Variants in SLC25A33 observed in about 807,000 individuals in gnomAD.
SLC25A33 encodes the protein bone marrow stromal cell mitochondrial carrier protein.
A neutral mutation model predicts 35.5 loss-of-function variants in SLC25A33; 15 were observed. The ratio of observed to expected loss-of-function variants is 0.42; its 90% CI spans 0.28 to 0.65. The LOEUF (loss-of-function observed/expected upper bound fraction) is 0.65. Ranked by LOEUF, SLC25A33 falls within the 30% of genes least tolerant of loss-of-function variation. The probability of loss-of-function intolerance (pLI) is 0.20; values close to 1 mark genes in which losing one functional copy is unlikely to be tolerated. For missense variants in SLC25A33, 257 were observed against 398.5 expected, an observed-to-expected ratio of 0.64 and a Z score of 3.02; for synonymous variants, 136 against 148.7, an observed-to-expected ratio of 0.91 and a Z score of 0.62.
chr1:9,566,020 C>T (rs1238553876), intron 2 of SLC25A33, among the ~76,000 whole-genome samples: 2 of 151,880 alleles, frequency 1.3e-5, no homozygotes, highest in African/African-American at 4.8e-5. Context: ...TAAATTCTGC[C>T]CTCCCCCGCC....
intron 2 of SLC25A33, chr1:9,556,362 G>A: frequency 1.8e-6 from 1 of 570,462 alleles, no homozygotes; most frequent in Non-Finnish European, 2.2e-6. Flanking sequence ...CCAAAAGTGT[G>A]GGTGTCAATA....
At chr1:9,540,819 A>T (rs1446268145) in intron 1 of SLC25A33, among the ~76,000 whole-genome samples, 1 of 152,190 alleles carries the variant, frequency 6.6e-6, no homozygotes, top group Non-Finnish European at 1.5e-5. Flanking sequence ...AAGATGACTG[A>T]TGAAAGCGTC....
At chr1:9,581,819 AAAG>A (rs1643748616) in intron 6 of SLC25A33, among the ~76,000 whole-genome samples, 1 of 152,198 alleles carries the variant, frequency 6.6e-6, no homozygotes, top group Admixed American at 6.5e-5. Context: ...AAGGTTCTAA[AAAG>A]AACTTAATTT....
At chr1:9,579,575 C>G (rs1349601753) in intron 5 of SLC25A33, among the ~76,000 whole-genome samples, 1 of 152,168 alleles carries the variant, frequency 6.6e-6, no homozygotes. Context: ...TCCCCGGGGG[C>G]CACCCTCCAG....
At chr1:9,564,739 A>ATATATATAT (rs1211262069) in intron 2 of SLC25A33, among the ~76,000 whole-genome samples, 34 of 96,530 alleles carry the variant, frequency 3.5e-4, no homozygotes, top group African/African-American at 4.0e-4. Flanking sequence ...AAAAAAAAAA[A>ATATATATAT]ATATATATAT....
intron 2 of SLC25A33, among the ~76,000 whole-genome samples, chr1:9,555,002 G>T (rs1390973275): frequency 6.6e-6 from 1 of 150,938 alleles, no homozygotes; most frequent in African/African-American, 2.4e-5. Flanking sequence ...GTATGTTCAA[G>T]AAAGACATTC....
At chr1:9,550,713 C>A (rs1267842909) in intron 1 of SLC25A33, among the ~76,000 whole-genome samples, 1 of 151,958 alleles carries the variant, frequency 6.6e-6, no homozygotes, top group East Asian at 1.9e-4. Context: ...GGCTTTGTCA[C>A]CCAGGCTGGA....
intron 2 of SLC25A33, chr1:9,556,269 T>G: frequency 1.0e-6 from 1 of 970,640 alleles, no homozygotes; most frequent in Non-Finnish European, 1.2e-6. Flanking sequence ...TAATGTTACT[T>G]CAGTAACATT....
At chr1:9,562,141 A>C (rs550195266) in intron 2 of SLC25A33, among the ~76,000 whole-genome samples, 3 of 151,986 alleles carry the variant, frequency 2.0e-5, no homozygotes, top group Admixed American at 6.6e-5. Flanking sequence ...TGAAGTCAGG[A>C]GTTCAAGACC....
intron 3 of SLC25A33, among the ~76,000 whole-genome samples, chr1:9,568,181 T>C (rs1458352904): frequency 6.6e-6 from 1 of 152,108 alleles, no homozygotes; most frequent in Non-Finnish European, 1.5e-5. Flanking sequence ...GTGGCTCACC[T>C]GTGTAATCCC....
At chr1:9,570,549 C>T (rs574874979) in intron 4 of SLC25A33, among the ~76,000 whole-genome samples, 191 bp downstream of exon 4, 150 of 152,168 alleles carry the variant, frequency 9.9e-4, no homozygotes, top group African/African-American at 3.5e-3. Flanking sequence ...TTTCCTTGAC[C>T]ACTAAAGCTC....
At position 9,539,764 on chromosome 1, in the gene SLC25A33, A is replaced by G. The variant is rs148840119; in HGVS notation, c.56+17A>G. The G allele has an allele frequency of 0.18, 245,410 of 1,363,242 alleles. 25,866 individuals are homozygous for G. The highest frequency in any genetic ancestry group is 0.48 in the African/African-American group (31,413 of 65,430). 84.4% of individuals were successfully genotyped at this position (1,363,242 alleles called of 1,614,324 possible). A position where few individuals can be genotyped will look rare whatever the true frequency, so the allele number is the denominator to read the frequency against. ...CGCCGGCGGGTGAGTTCCCGGGCCC[A>G]GCCGCGCGCGCCCCACCGCCTGCGG... On this transcript the variant is annotated intron_variant, in intron 1 of 6. Transcript: ENST00000302692.
intron 2 of SLC25A33, among the ~76,000 whole-genome samples, chr1:9,561,097 C>T (rs755359029): frequency 6.6e-6 from 1 of 151,946 alleles, no homozygotes; most frequent in Admixed American, 6.6e-5. Flanking sequence ...CCCGTCACCA[C>T]GCCCGGCTAA....
chr1:9,540,377 C>T (rs1643060859), intron 1 of SLC25A33, among the ~76,000 whole-genome samples: 1 of 152,254 alleles, frequency 6.6e-6, no homozygotes, highest in South Asian at 2.1e-4. Context: ...CTTCCAACGC[C>T]AGAGACCGCA....
At chr1:9,565,892 A>G (rs796280061) in intron 2 of SLC25A33, among the ~76,000 whole-genome samples, 32 of 151,194 alleles carry the variant, frequency 2.1e-4, no homozygotes, top group African/African-American at 7.5e-4. Context: ...AAAAAAAAAC[A>G]AAGAAAAGAA....
intron 2 of SLC25A33, among the ~76,000 whole-genome samples, chr1:9,556,695 GTGTGTC>G (rs1643348418): frequency 6.6e-6 from 1 of 151,738 alleles, no homozygotes; most frequent in African/African-American, 2.4e-5. Flanking sequence ...GTGTGTGTGT[GTGTGTC>G]TGTGTGTGTG....
Position 9,580,107 on chromosome 1 carries a change from G to T in SLC25A33, c.636G>T (p.Lys212Asn). 2 of 1,612,416 alleles carry T rather than the reference G, an allele frequency of 1.2e-6. No homozygotes were observed. The highest frequency in any genetic ancestry group is 8.5e-7 in the Non-Finnish European group (1 of 1,178,874). The change falls in exon 6 of 7, where the codon AAG becomes AAT. Residue 212 changes from lysine (K) to asparagine (N), a missense_variant. Lys to Asn is a moderately conservative substitution (Grantham distance 94). Coordinates refer to ENST00000302692, the MANE Select transcript of SLC25A33 (RefSeq NM_032315.3). ...TTGCTATTTATGAAAGTTTAAAGAAGTATCTGAAAGAAGCTCCATTAGCCT... is the reference window on the plus strand; with the variant it reads ...TTGCTATTTATGAAAGTTTAAAGAATTATCTGAAAGAAGCTCCATTAGCCT... ...ICFAIYESLK[K>N]YLKEAPLASS...
chr1:9,540,564 G>T (rs1032780921), intron 1 of SLC25A33, among the ~76,000 whole-genome samples: 1 of 152,190 alleles, frequency 6.6e-6, no homozygotes, highest in East Asian at 1.9e-4. Flanking sequence ...AAATATTTTT[G>T]AGTATTAGTA....
At chr1:9,568,538 TAC>T (rs1047196621) in intron 3 of SLC25A33, among the ~76,000 whole-genome samples, 12 of 151,760 alleles carry the variant, frequency 7.9e-5, no homozygotes, top group African/African-American at 2.9e-4. Flanking sequence ...TAACTTGTCA[TAC>T]TCCAAGAGAC....
Sources: allele counts gnomAD v4.1 joint callset (sites outside exome capture counted in the v4.1 genomes callset), GRCh38; gene constraint gnomAD v4.1.1; transcripts MANE v1.5; gene names NCBI Gene and HGNC (gene_info 2026-07-23, HGNC 2026-07-21).